ZNF804B: variants seen among roughly 807,000 people sequenced by gnomAD.
The protein encoded by ZNF804B is zinc finger protein 804B.
A neutral mutation model predicts 101.4 loss-of-function variants in ZNF804B; 80 were observed. The ratio of observed to expected loss-of-function variants is 0.79; its 90% CI spans 0.66 to 0.95. ZNF804B has a LOEUF of 0.95. Among genes scored for constraint, ZNF804B ranks in the 40% least tolerant of loss-of-function variants. The pLI is 0.00. For missense variants in ZNF804B, 1,673 were observed against 1,561.9 expected (o/e 1.07, Z -1.20); for synonymous variants, 622 against 558.8 (o/e 1.11, Z -1.59).
chr7:88,817,046 G>A (rs2115748893), intron 1 of ZNF804B, among the ~76,000 whole-genome samples: 1 of 152,098 alleles, frequency 6.6e-6, no homozygotes, highest in Non-Finnish European at 1.5e-5. Flanking sequence ...GGAATACTAT[G>A]CAGCCATAAA....
intron 1 of ZNF804B, among the ~76,000 whole-genome samples, chr7:89,092,176 TG>T (rs1285268089): frequency 6.6e-6 from 1 of 151,668 alleles, no homozygotes; most frequent in Non-Finnish European, 1.5e-5. Context: ...TATCCTCACA[TG>T]GTGAAATAAA....
chr7:89,246,703 T>C (rs1789452954), intron 2 of ZNF804B, among the ~76,000 whole-genome samples: 1 of 152,138 alleles, frequency 6.6e-6, no homozygotes. Flanking sequence ...CAGGCAGATC[T>C]CCAGACATTC....
At chr7:89,199,831 A>G (rs1788604463) in intron 1 of ZNF804B, among the ~76,000 whole-genome samples, 1 of 149,524 alleles carries the variant, frequency 6.7e-6, no homozygotes, top group South Asian at 2.1e-4. Flanking sequence ...AAACATCCAT[A>G]TATGTGTGTG....
At chr7:88,791,087 A>T (rs1790376532) in intron 1 of ZNF804B, among the ~76,000 whole-genome samples, 1 of 152,134 alleles carries the variant, frequency 6.6e-6, no homozygotes, top group Non-Finnish European at 1.5e-5. Flanking sequence ...TAAATTAAAA[A>T]AATTCTATCA....
intron 1 of ZNF804B, among the ~76,000 whole-genome samples, chr7:88,930,698 C>T (rs907749011): frequency 9.9e-5 from 15 of 151,744 alleles, no homozygotes; most frequent in Admixed American, 1.3e-4. Flanking sequence ...AGAATGCTGA[C>T]GTTTCATGGG....
Position 89,029,469 on chromosome 7 carries a change from A to T in ZNF804B, c.109-188686A>T, listed in dbSNP as rs1384954140. Among the ~76,000 whole-genome samples the T allele has an allele frequency of 2.0e-5, 3 of 152,188 alleles. No individual in the cohort carries two copies. The East Asian group carries it at 5.8e-4, about 29-fold the overall frequency. ...GTAATATGGGATTAAGGGAAAACAT[A>T]CACACAGGCTTTGGAATCAGACTAA... On this transcript the variant is annotated intron_variant, in intron 1 of 3. Transcript: ENST00000333190.
At chr7:89,308,641 G>A (rs1350068950) in intron 2 of ZNF804B, among the ~76,000 whole-genome samples, 1 of 152,064 alleles carries the variant, frequency 6.6e-6, no homozygotes, top group Non-Finnish European at 1.5e-5. Context: ...CTCCCATAAG[G>A]TATACAAATG....
intron 3 of ZNF804B, among the ~76,000 whole-genome samples, chr7:89,332,710 G>A (rs1562742590): frequency 1.3e-5 from 2 of 151,716 alleles, no homozygotes; most frequent in African/African-American, 4.8e-5. Context: ...AGAAATGGTA[G>A]AAAAAATATT....
chr7:88,776,570 T>TG (rs1562790562), intron 1 of ZNF804B, among the ~76,000 whole-genome samples: 6 of 144,390 alleles, frequency 4.2e-5, no homozygotes, highest in African/African-American at 1.3e-4. Flanking sequence ...GTTTTTTTTT[T>TG]TTTTTTTTTT....
At chr7:88,957,077 C>T (rs868439599) in intron 1 of ZNF804B, among the ~76,000 whole-genome samples, 3 of 151,482 alleles carry the variant, frequency 2.0e-5, no homozygotes, top group Non-Finnish European at 4.4e-5. Flanking sequence ...AGACTTTGAA[C>T]ATGTCACTCT....
At chr7:89,174,025 A>T (rs1584032533) in intron 1 of ZNF804B, among the ~76,000 whole-genome samples, 1 of 151,990 alleles carries the variant, frequency 6.6e-6, no homozygotes, top group Non-Finnish European at 1.5e-5. Flanking sequence ...ATGTGTAGTA[A>T]TTACATCAGG....
intron 2 of ZNF804B, among the ~76,000 whole-genome samples, chr7:89,298,105 C>T (rs976802910): frequency 1.5e-5 from 2 of 131,744 alleles, no homozygotes; most frequent in Non-Finnish European, 3.2e-5. Context: ...AGAGAGTTGA[C>T]AAAGGCCTCT....
intron 1 of ZNF804B, among the ~76,000 whole-genome samples, chr7:89,029,470 C>T (rs528562109): frequency 6.6e-6 from 1 of 152,254 alleles, no homozygotes; most frequent in African/African-American, 2.4e-5. Flanking sequence ...GGAAAACATA[C>T]ACACAGGCTT....
chr7:88,795,688 C>T (rs950264140), intron 1 of ZNF804B: 3 of 152,058 alleles, frequency 2.0e-5, no homozygotes, highest in African/African-American at 7.2e-5. Context: ...GTCCTCGAGG[C>T]CCTACTTGTC....
In ZNF804B at chr7:89,333,643, T is replaced by C; in HGVS notation, c.661T>C (p.Phe221Leu). The part of the protein sequence containing the change: ...SNANHRTGVS[F>L]TFSKKVHLKL... ...TGCAAATCACAGAACAGGAGTATCA[T>C]TTACTTTTTCCAAAAAAGTGCACCT... Residue 221 changes from phenylalanine to leucine, a missense_variant, in exon 4 of 4, where the codon TTT becomes CTT. Transcript: ENST00000333190. 6.2e-7 allele frequency: 1 copy of C among 1,613,582 alleles called. No individual in the cohort carries two copies. The highest frequency in any genetic ancestry group is 8.5e-7 in the Non-Finnish European group (1 of 1,179,694).
At chr7:89,041,250 G>A (rs1268173510) in intron 1 of ZNF804B, among the ~76,000 whole-genome samples, 1 of 152,136 alleles carries the variant, frequency 6.6e-6, no homozygotes, top group Non-Finnish European at 1.5e-5. Flanking sequence ...CTGAGTCTGT[G>A]GGAGTCAGCC....
intron 2 of ZNF804B, among the ~76,000 whole-genome samples, chr7:89,284,934 C>T (rs951545004): frequency 1.3e-5 from 2 of 152,016 alleles, no homozygotes; most frequent in Admixed American, 1.3e-4. Flanking sequence ...CATGGCAGCT[C>T]ATACCTGTAA....
intron 1 of ZNF804B, among the ~76,000 whole-genome samples, chr7:88,831,337 A>C (rs184474518): frequency 1.3e-5 from 2 of 151,942 alleles, no homozygotes; most frequent in Non-Finnish European, 2.9e-5. Context: ...AACAGACATG[A>C]TATTTTGAAG....
chr7:89,129,790 G>A (rs891331996), intron 1 of ZNF804B, among the ~76,000 whole-genome samples: 3 of 151,974 alleles, frequency 2.0e-5, no homozygotes, highest in African/African-American at 7.2e-5. Flanking sequence ...AGGCCACTGG[G>A]CTCCAGAGCA....
Sources: gnomAD v4.1 joint callset for allele counts (sites outside exome capture counted in the v4.1 genomes callset) on GRCh38, gnomAD v4.1.1 for gene constraint, MANE v1.5 for transcripts, NCBI Gene and HGNC (gene_info 2026-07-23, HGNC 2026-07-21) for gene names.